SIVA1: variants seen among roughly 807,000 people sequenced by gnomAD.
SIVA1 encodes apoptosis regulatory protein Siva.
Under a neutral mutation model 19.7 loss-of-function variants are expected in SIVA1, and 10 were observed. The observed-to-expected ratio is 0.51, with a 90% CI of 0.31 to 0.86. The LOEUF (loss-of-function observed/expected upper bound fraction) is 0.86. Among genes scored for constraint, SIVA1 ranks in the 40% least tolerant of loss-of-function variants. The pLI, the probability that SIVA1 is intolerant of heterozygous loss-of-function variation, is 0.04. For synonymous variants in SIVA1, 130 were observed against 106.1 expected, an observed-to-expected ratio of 1.23 and a Z score of -1.39; for missense variants, 241 against 245.2, an observed-to-expected ratio of 0.98 and a Z score of 0.11.
At chr14:104,757,048 C>T (rs1891914733) in intron 3 of SIVA1, 2 of 484,008 alleles carry the variant, frequency 4.1e-6, no homozygotes, top group South Asian at 2.3e-5. Flanking sequence ...ACCCCCACCT[C>T]CTCCTCCTCT....
rs1457056933 is a variant in SIVA1, at chr14:104,759,336, G to C, written c.471-92G>C. On this transcript the variant is annotated intron_variant, in intron 3 of 3. Coordinates refer to ENST00000329967, the MANE Select transcript of SIVA1 (RefSeq NM_006427.4). The surrounding 1 kb of genome is among the most constrained non-coding windows in gnomAD (Gnocchi z 4.2). Reference sequence around the variant, plus strand: ...AAGGTCATGTCCTGAGGTGTTCTGGGTTAGGACTTTGACGTTTGAATGGTG... The same window carrying C: ...AAGGTCATGTCCTGAGGTGTTCTGGCTTAGGACTTTGACGTTTGAATGGTG... The C allele has an allele frequency of 9.3e-7, 1 of 1,074,828 alleles. No homozygotes were observed. The highest frequency in any genetic ancestry group is 1.6e-5 in the African/African-American group (1 of 64,108). 66.6% of individuals were successfully genotyped at this position (1,074,828 alleles called of 1,614,324 possible). A position where few individuals can be genotyped will look rare whatever the true frequency, so the allele number is the denominator to read the frequency against.
At chr14:104,753,858 G>T (rs1247226294) in intron 1 of SIVA1, 1 of 439,494 alleles carries the variant, frequency 2.3e-6, no homozygotes, top group Non-Finnish European at 4.7e-6. Flanking sequence ...CCAGCAGGAG[G>T]AGTCGCCACA....
intron 3 of SIVA1, 82 bp downstream of exon 3, chr14:104,756,842 G>A: frequency 7.0e-7 from 1 of 1,426,900 alleles, no homozygotes; most frequent in Non-Finnish European, 9.3e-7. Context: ...CACCCATGTG[G>A]GCCCAGAACA....
At chr14:104,755,868 A>G (rs1471707537) in intron 2 of SIVA1, 44 bp downstream of exon 2, 1 of 1,556,914 alleles carries the variant, frequency 6.4e-7, no homozygotes, top group South Asian at 1.1e-5. Flanking sequence ...CACTGAGGGC[A>G]GGTGGTGGCA....
At chr14:104,757,247 A>G (rs1274756714) in intron 3 of SIVA1, 2 of 412,590 alleles carry the variant, frequency 4.8e-6, no homozygotes, top group Admixed American at 3.0e-5. Context: ...CCTTACTCCT[A>G]AGGTGGGGAG....
chr14:104,756,882 C>A, intron 3 of SIVA1, 122 bp downstream of exon 3: 4 of 1,102,320 alleles, frequency 3.6e-6, no homozygotes, highest in African/African-American at 1.6e-5. Flanking sequence ...GCAGTGCCAT[C>A]TGGCATTGCC....
chr14:104,754,258 C>T (rs903166654), intron 1 of SIVA1, among the ~76,000 whole-genome samples: 1 of 152,152 alleles, frequency 6.6e-6, no homozygotes, highest in African/African-American at 2.4e-5. Context: ...TAGAGGATGA[C>T]CCGGGGTGTG....
chr14:104,753,614 A>C (rs1891782033), intron 1 of SIVA1: 1 of 477,412 alleles, frequency 2.1e-6, no homozygotes, highest in Non-Finnish European at 3.9e-6. Flanking sequence ...GCCGCCCTGC[A>C]GTGAGCGGCA....
At chr14:104,757,464 A>C in intron 3 of SIVA1, 1 of 240,296 alleles carries the variant, frequency 4.2e-6, no homozygotes. Flanking sequence ...CTTTCTCTCG[A>C]GCCTTTCTTC....
At chr14:104,755,337 C>T (rs1891846598) in intron 1 of SIVA1, among the ~76,000 whole-genome samples, 1 of 152,112 alleles carries the variant, frequency 6.6e-6, no homozygotes, top group South Asian at 2.1e-4. Flanking sequence ...AGAAAATGAG[C>T]CGAGTGATAG....
At chr14:104,754,475 T>C (rs1461454579) in intron 1 of SIVA1, among the ~76,000 whole-genome samples, 1 of 152,096 alleles carries the variant, frequency 6.6e-6, no homozygotes, top group Non-Finnish European at 1.5e-5. Flanking sequence ...TCAAACACTG[T>C]GCAGGCAAGA....
Position 104,759,418 on chromosome 14 carries a change from G to T in SIVA1, c.471-10G>T, listed in dbSNP as rs1439177838. Reference sequence around the variant, plus strand: ...GCAGCTTTTCTCTCCCCTCCCTGACGCTGTCGCAGCTGCAGTGACATGTAC... The same window carrying T: ...GCAGCTTTTCTCTCCCCTCCCTGACTCTGTCGCAGCTGCAGTGACATGTAC... On this transcript the variant is annotated splice_polypyrimidine_tract_variant and intron_variant, in intron 3 of 3. Transcript: ENST00000329967. The surrounding 1 kb of genome is among the most constrained non-coding windows in gnomAD (Gnocchi z 4.2). 6.2e-7 allele frequency: 1 copy of T among 1,612,466 alleles called. No homozygotes were observed. The highest frequency in any genetic ancestry group is 1.1e-5 in the South Asian group (1 of 90,912).
chr14:104,753,291 C>CA lies in SIVA1; in HGVS notation c.90_91insA (p.Ala31SerfsTer30). The CA allele has an allele frequency of 6.2e-7, 1 of 1,600,466 alleles. No homozygotes were observed. The highest frequency in any genetic ancestry group is 8.5e-7 in the Non-Finnish European group (1 of 1,175,426). On this transcript the variant is annotated frameshift_variant, in exon 1 of 4. Coordinates refer to ENST00000329967, the MANE Select transcript of SIVA1 (RefSeq NM_006427.4). LOFTEE classifies it high-confidence loss of function. ...AGAGGGAGTTGAGCCGCGGCGTGTG[C>CA]GCCGAGCGCTACTCGCAGGAGGTCT...
chr14:104,757,068 GC>G lies in SIVA1; in HGVS notation c.470+315del, dbSNP rs920737485. The G allele has an allele frequency of 1.4e-4, 63 of 440,474 alleles. 1 individual carries two copies. The highest frequency in any genetic ancestry group is 2.1e-4 in the Non-Finnish European group (51 of 240,564). 27.3% of individuals were successfully genotyped at this position (440,474 alleles called of 1,614,324 possible). On this transcript the variant is annotated intron_variant, in intron 3 of 3. Transcript: ENST00000329967. ...CACCTCCTCCTCCTCTGGTCTTTGAGCCCCCCCTCCCCCCGTCCGAGGAGCC... is the reference window on the plus strand; with the variant it reads ...CACCTCCTCCTCCTCTGGTCTTTGAGCCCCCCTCCCCCCGTCCGAGGAGCC...
chr14:104,755,802 C>G lies in SIVA1; in HGVS notation c.291C>G (p.Ser97Arg), dbSNP rs564417692. The G allele has an allele frequency of 9.9e-6, 16 of 1,613,848 alleles. 1 individual carries two copies. The East Asian group carries it at 1.1e-4, about 11-fold the overall frequency. Reference protein sequence around the residue: ...LIGPDGRLIRSLGQASEADPS... With the variant: ...LIGPDGRLIRRLGQASEADPS... Reference sequence around the variant, plus strand: ...GACCAGACGGCCGCCTGATCAGGAGCCTTGGGCAGGCCTCCGAAGCTGGTG... The same window carrying G: ...GACCAGACGGCCGCCTGATCAGGAGGCTTGGGCAGGCCTCCGAAGCTGGTG... Residue 97 changes from serine to arginine, a missense_variant, in exon 2 of 4, where the codon AGC becomes AGG. Coordinates refer to ENST00000329967, the MANE Select transcript of SIVA1 (RefSeq NM_006427.4).
intron 1 of SIVA1, among the ~76,000 whole-genome samples, chr14:104,754,212 G>A (rs950478578): frequency 2.6e-5 from 4 of 152,192 alleles, no homozygotes; most frequent in African/African-American, 9.7e-5. Context: ...ACCTTGCCTA[G>A]TGATTGGGAC....
At position 104,756,291 on chromosome 14, in the gene SIVA1, A is replaced by T. The variant is rs1891885853; in HGVS notation, c.314-313A>T. On this transcript the variant is annotated intron_variant, in intron 2 of 3. Transcript: ENST00000329967. ...ACTGAGACCCAGATGGGACACATGGAGTTCTGACAAGCAACAGGGGAAGAA... is the reference window on the plus strand; with the variant it reads ...ACTGAGACCCAGATGGGACACATGGTGTTCTGACAAGCAACAGGGGAAGAA... The T allele has an allele frequency of 6.1e-6, 3 of 488,764 alleles. No homozygotes were observed. In the East Asian group the frequency reaches 1.2e-4, roughly 19 times the overall value. The allele number at this position is 488,764 out of a possible 1,614,324, so 30.3% of individuals were successfully genotyped here. A position where few individuals can be genotyped will look rare whatever the true frequency, so the allele number is the denominator to read the frequency against.
At chr14:104,753,951 A>C in intron 1 of SIVA1, 1 of 322,666 alleles carries the variant, frequency 3.1e-6, no homozygotes, top group Non-Finnish European at 6.6e-6. Flanking sequence ...GTCTGAGCGG[A>C]ATCCTGTGGG....
intron 3 of SIVA1, chr14:104,758,084 A>C (rs1402025479): frequency 6.6e-6 from 1 of 152,338 alleles, no homozygotes; most frequent in Non-Finnish European, 1.5e-5. Context: ...AGCTGGTGGC[A>C]CCCGCAGTCT....
Sources: allele counts gnomAD v4.1 joint callset (sites outside exome capture counted in the v4.1 genomes callset), GRCh38; gene constraint gnomAD v4.1.1; non-coding constraint Gnocchi (gnomAD v3.1); transcripts MANE v1.5; gene names NCBI Gene and HGNC (gene_info 2026-07-23, HGNC 2026-07-21).